Variants in EYS observed in about 807,000 individuals in gnomAD.
EYS encodes the protein protein eyes shut homolog.
In EYS, 250 loss-of-function variants were observed where a neutral mutation model predicts 282.1. That is an observed-to-expected ratio of 0.89 (90% CI 0.80 to 0.98). The LOEUF (loss-of-function observed/expected upper bound fraction) is 0.98, where lower values mean the gene tolerates loss of function less well. Among genes scored for constraint, EYS ranks in the 50% least tolerant of loss-of-function variants. The pLI, the probability that EYS is intolerant of heterozygous loss-of-function variation, is 0.00. For synonymous variants in EYS, 1,355 were observed against 1,282.9 expected, an observed-to-expected ratio of 1.06 and a Z score of -1.20; for missense variants, 4,016 against 3,709.0, an observed-to-expected ratio of 1.08 and a Z score of -2.15.
At chr6:64,906,093 T>G (rs1319990281) in intron 16 of EYS, among the ~76,000 whole-genome samples, 1 of 151,182 alleles carries the variant, frequency 6.6e-6, no homozygotes, top group Non-Finnish European at 1.5e-5. Context: ...CAAGTCAGAT[T>G]TTTTAAAAAA....
chr6:63,945,663 A>C lies in EYS; in HGVS notation c.7055+38720T>G, dbSNP rs116631086. On this transcript the variant is annotated intron_variant, in intron 35 of 42. Transcript: ENST00000503581. ...ATTTATAGTCAATAAATCCAGGGAA[A>C]TGAAATTGTATGATGAAATTTGTAT... 8.8e-4 allele frequency among the ~76,000 whole-genome samples: 134 copies of C among 152,350 alleles called. 1 individual carries two copies. Among genetic ancestry groups the C allele is most frequent in the African/African-American group, 3.1e-3 (130 of 41,586 alleles).
intron 35 of EYS, among the ~76,000 whole-genome samples, chr6:63,903,011 AGC>A (rs776443346): frequency 3.9e-5 from 6 of 152,138 alleles, no homozygotes; most frequent in Non-Finnish European, 8.8e-5. Context: ...AAGAGTGAAT[AGC>A]TTTGGGAAAT....
intron 26 of EYS, among the ~76,000 whole-genome samples, chr6:64,521,014 A>C (rs1777717466): frequency 6.6e-6 from 1 of 151,774 alleles, no homozygotes; most frequent in South Asian, 2.1e-4. Context: ...AGGATCAGAG[A>C]CCCTCATCCA....
rs1227767503 is a variant in EYS at position 64,637,742 on chromosome 6, G to T, written c.3444-11497C>A. On this transcript the variant is annotated intron_variant, in intron 22 of 42. Coordinates refer to ENST00000503581, the MANE Select transcript of EYS (RefSeq NM_001142800.2). The stretch of plus-strand genomic sequence containing the variant: ...GCAAAATTCTCAATTATTATTGTCA[G>T]TGTGGGGAGGGAGCTGGGAGAGGGA... Among the ~76,000 whole-genome samples the T allele has an allele frequency of 3.4e-5, 3 of 89,152 alleles. 1 individual carries two copies. The Admixed American group carries it at 3.7e-4, about 11-fold the overall frequency. 58.5% of individuals were successfully genotyped at this position (89,152 alleles called of 152,430 possible). A position where few individuals can be genotyped will look rare whatever the true frequency, so the allele number is the denominator to read the frequency against.
intron 12 of EYS, among the ~76,000 whole-genome samples, chr6:65,132,953 C>G (rs1246602086): frequency 6.6e-6 from 1 of 151,878 alleles, no homozygotes; most frequent in African/African-American, 2.4e-5. Context: ...TGAATGCAAT[C>G]TCATTCACAA....
rs1389684965 is a variant in EYS, at chr6:65,311,155, T to C, written c.1767-15036A>G. Among the ~76,000 whole-genome samples, 5 of 152,210 alleles carry C rather than the reference T, an allele frequency of 3.3e-5. No homozygotes were observed. In the East Asian group the frequency reaches 9.6e-4, roughly 29 times the overall value. ...AAGGCCGAGAAGCGATACGTATATCTATAAATACTTAAAAAGTATGAAGTA... is the reference window on the plus strand; with the variant it reads ...AAGGCCGAGAAGCGATACGTATATCCATAAATACTTAAAAAGTATGAAGTA... On this transcript the variant is annotated intron_variant, in intron 11 of 42. Transcript: ENST00000503581.
At chr6:63,768,084 A>G (rs1482513551) in intron 40 of EYS, among the ~76,000 whole-genome samples, 1 of 149,286 alleles carries the variant, frequency 6.7e-6, no homozygotes, top group Non-Finnish European at 1.5e-5. Context: ...TTAACTCAAT[A>G]TGGACTAAAG....
At position 64,617,620 on chromosome 6, in the gene EYS, C is replaced by T; in HGVS notation, c.3569-87G>A. The T allele has an allele frequency of 5.4e-6, 4 of 746,832 alleles. No homozygotes were observed. The South Asian group carries it at 6.7e-5, about 12-fold the overall frequency. 46.3% of individuals were successfully genotyped at this position (746,832 alleles called of 1,614,324 possible). ...AATAGCCTATATTTATTGGCTTTTACTATTTGAAATAATTATGCTAGATGT... is the reference window on the plus strand; with the variant it reads ...AATAGCCTATATTTATTGGCTTTTATTATTTGAAATAATTATGCTAGATGT... On this transcript the variant is annotated intron_variant, in intron 23 of 42. Coordinates refer to ENST00000503581, the MANE Select transcript of EYS (RefSeq NM_001142800.2).
chr6:64,829,823 T>G (rs998516274), intron 19 of EYS, among the ~76,000 whole-genome samples: 1 of 151,954 alleles, frequency 6.6e-6, no homozygotes, highest in African/African-American at 2.4e-5. Flanking sequence ...TCCTTCTTTG[T>G]GAACAATTGG....
intron 14 of EYS, among the ~76,000 whole-genome samples, chr6:64,982,192 C>T (rs952213870): frequency 3.8e-4 from 57 of 151,368 alleles, no homozygotes; most frequent in African/African-American, 1.4e-3. Context: ...CTGCATGGTA[C>T]CTTTTTCATG....
Position 64,081,937 on chromosome 6 carries a change from C to G in EYS, c.6490G>C (p.Val2164Leu). 6.5e-7 allele frequency: 1 copy of G among 1,545,112 alleles called. No homozygotes were observed. Among genetic ancestry groups the G allele is most frequent in the Non-Finnish European group, 8.8e-7 (1 of 1,141,862 alleles). ...GTTCTGTTATGTTCCTTCTCCAGGA[C>G]AAACTTCAAAAAGGGCAGTTCTAAA... Reference protein sequence around the residue: ...SYLELPFLKFVLEKEHNRTVT... With the variant: ...SYLELPFLKFLLEKEHNRTVT... The change falls in exon 32 of 43, where the codon GTC becomes CTC. Residue 2164 changes from valine (V) to leucine (L), a missense_variant. By Grantham distance (32) the Val-to-Leu change is conservative (BLOSUM62 1). Transcript: ENST00000503581.
chr6:64,739,994 C>T (rs530092256), intron 22 of EYS, among the ~76,000 whole-genome samples: 94 of 152,242 alleles, frequency 6.2e-4, no homozygotes, highest in African/African-American at 2.3e-3. Flanking sequence ...TCTTAGAACT[C>T]ATTAGCAAAA....
intron 8 of EYS, among the ~76,000 whole-genome samples, chr6:65,363,958 C>A (rs920264877): frequency 6.6e-6 from 1 of 151,146 alleles, no homozygotes; most frequent in African/African-American, 2.4e-5. Context: ...ATTTAATTAT[C>A]TTTTTTATTG....
intron 31 of EYS, among the ~76,000 whole-genome samples, chr6:64,184,977 A>T (rs1582396242): frequency 6.6e-6 from 1 of 151,870 alleles, no homozygotes; most frequent in East Asian, 1.9e-4. Context: ...CTGGGAGGTG[A>T]TTAGATTATG....
At chr6:64,660,315 G>C (rs1449376346) in intron 22 of EYS, among the ~76,000 whole-genome samples, 1 of 151,920 alleles carries the variant, frequency 6.6e-6, no homozygotes, top group Non-Finnish European at 1.5e-5. Flanking sequence ...CATTCCCTTT[G>C]AAAACTGGCA....
At chr6:64,840,016 A>C (rs1009099181) in intron 19 of EYS, among the ~76,000 whole-genome samples, 1 of 152,100 alleles carries the variant, frequency 6.6e-6, no homozygotes, top group African/African-American at 2.4e-5. Context: ...ATGTAAGATC[A>C]TTCTAAGTAG....
rs368425609 is a variant in EYS, at chr6:64,696,635, C to A, written c.3444-70390G>T. Among the ~76,000 whole-genome samples, 31 of 152,040 alleles carry A rather than the reference C, an allele frequency of 2.0e-4. No individual in the cohort carries two copies. In the East Asian group the frequency reaches 5.4e-3, roughly 27 times the overall value. Reference sequence around the variant, plus strand: ...GCGTCTCATTGCCTACAAAAGAAACCCCATCAGACTAACAGCAGACTCTTC... The same window carrying A: ...GCGTCTCATTGCCTACAAAAGAAACACCATCAGACTAACAGCAGACTCTTC... On this transcript the variant is annotated intron_variant, in intron 22 of 42. Transcript: ENST00000503581.
intron 31 of EYS, among the ~76,000 whole-genome samples, chr6:64,203,518 G>A (rs559983052): frequency 3.9e-4 from 59 of 152,268 alleles, no homozygotes; most frequent in African/African-American, 1.4e-3. Context: ...GCATCCACTA[G>A]ACTAATTGGA....
chr6:64,274,444 G>A (rs550410252), intron 30 of EYS, among the ~76,000 whole-genome samples: 1 of 143,654 alleles, frequency 7.0e-6, no homozygotes, highest in East Asian at 2.0e-4. Context: ...GCCTCCCACA[G>A]TGCTGGGATT....
Sources: allele counts gnomAD v4.1 joint callset (sites outside exome capture counted in the v4.1 genomes callset), GRCh38; gene constraint gnomAD v4.1.1; transcripts MANE v1.5; gene names NCBI Gene and HGNC (gene_info 2026-07-23, HGNC 2026-07-21).